NECAB1: variants seen among roughly 807,000 people sequenced by gnomAD.
NECAB1 encodes the protein N-terminal EF-hand calcium binding protein 1.
NECAB1 carries 29 observed loss-of-function variants against 57.5 expected under a neutral mutation model. The observed-to-expected ratio is 0.50, with a 90% CI of 0.38 to 0.69. The LOEUF (loss-of-function observed/expected upper bound fraction) is 0.69. Among genes scored for constraint, NECAB1 ranks in the 30% least tolerant of loss-of-function variants. The pLI is 0.00. For missense variants in NECAB1, 372 were observed against 413.8 expected, an observed-to-expected ratio of 0.90 and a Z score of 0.88; for synonymous variants, 142 against 147.7, an observed-to-expected ratio of 0.96 and a Z score of 0.28.
rs1297140258 is a variant in NECAB1 at position 90,957,914 on chromosome 8, T to C, written c.*2402T>C. ...GGAAACGTAACATGGAATACAAGCT[T>C]GAATCTGGGAAACAAGCTCAAAAAA... On this transcript the variant is annotated 3_prime_UTR_variant, in exon 13 of 13. Transcript: ENST00000417640. 3 of 150,916 alleles carry C rather than the reference T, an allele frequency of 2.0e-5. No homozygotes were observed. The highest frequency in any genetic ancestry group is 2.4e-5 in the African/African-American group (1 of 41,286). The allele number at this position is 150,916 out of a possible 1,614,324, so 9.3% of individuals were successfully genotyped here. A position where few individuals can be genotyped will look rare whatever the true frequency, so the allele number is the denominator to read the frequency against.
At chr8:90,840,950 CAAAAAAA>C (rs34615882) in intron 3 of NECAB1, among the ~76,000 whole-genome samples, 6 of 121,704 alleles carry the variant, frequency 4.9e-5, no homozygotes, top group Admixed American at 2.6e-4. Flanking sequence ...TAAATCTATT[CAAAAAAA>C]AAAAAAAAAA....
chr8:90,826,494 A>T (rs1480718596), intron 3 of NECAB1, among the ~76,000 whole-genome samples: 1 of 151,934 alleles, frequency 6.6e-6, no homozygotes, highest in Non-Finnish European at 1.5e-5. Flanking sequence ...CTTTACTGGG[A>T]TATGATGCTT....
chr8:90,928,498 C>G (rs1243018252), intron 8 of NECAB1, among the ~76,000 whole-genome samples, 199 bp downstream of exon 8: 1 of 152,108 alleles, frequency 6.6e-6, no homozygotes, highest in South Asian at 2.1e-4. Flanking sequence ...TAATTCTCCC[C>G]CTACCTCCCA....
intron 1 of NECAB1, among the ~76,000 whole-genome samples, chr8:90,794,477 G>A (rs1811628306): frequency 6.6e-6 from 1 of 152,074 alleles, no homozygotes. Context: ...GGAAAACTTT[G>A]ATTTGCAGTG....
At chr8:90,805,365 G>C (rs116841338) in intron 2 of NECAB1, among the ~76,000 whole-genome samples, 1 of 147,678 alleles carries the variant, frequency 6.8e-6, no homozygotes, top group South Asian at 2.2e-4. Flanking sequence ...ATAATTGTTC[G>C]CCTGCCCAGA....
At chr8:90,862,899 T>C (rs369159612) in intron 3 of NECAB1, among the ~76,000 whole-genome samples, 1 of 150,624 alleles carries the variant, frequency 6.6e-6, no homozygotes, top group East Asian at 2.0e-4. Flanking sequence ...AGATCCCAAG[T>C]GTTTTGTTCC....
intron 5 of NECAB1, among the ~76,000 whole-genome samples, chr8:90,890,272 C>T (rs1032120604): frequency 2.6e-5 from 4 of 152,104 alleles, no homozygotes; most frequent in Admixed American, 1.3e-4. Context: ...ATGTGTCTCA[C>T]GAGATCTGAT....
intron 5 of NECAB1, 70 bp downstream of exon 5, chr8:90,881,200 AC>A: frequency 9.4e-7 from 1 of 1,067,408 alleles, no homozygotes; most frequent in Non-Finnish European, 1.4e-6. Flanking sequence ...TGAAAATCAT[AC>A]CTATTTTCAA....
intron 3 of NECAB1, among the ~76,000 whole-genome samples, chr8:90,848,126 C>T (rs148827323): frequency 6.6e-6 from 1 of 152,138 alleles, no homozygotes; most frequent in African/African-American, 2.4e-5. Context: ...GAAATTTCTC[C>T]ATCAGATACC....
chr8:90,942,336 A>G (rs1368234950), intron 10 of NECAB1, among the ~76,000 whole-genome samples: 1 of 151,832 alleles, frequency 6.6e-6, no homozygotes, highest in Non-Finnish European at 1.5e-5. Context: ...TGGGTGGCTG[A>G]CCTCCTCTCT....
rs138915339 is a variant in NECAB1, at chr8:90,824,167, T to C, written c.125-550T>C. On this transcript the variant is annotated intron_variant, in intron 2 of 12. Transcript: ENST00000417640. ...TTATGATCTCTTTTATTATATGTTA[T>C]CTCTCTGATTGGGTTTCACCTTTGT... is the stretch of plus-strand genomic sequence containing the variant. Among the ~76,000 whole-genome samples, 39 of 152,006 alleles carry C rather than the reference T, an allele frequency of 2.6e-4. No individual in the cohort carries two copies. In the East Asian group the frequency reaches 6.4e-3, roughly 25 times the overall value.
Position 90,872,769 on chromosome 8 carries a change from C to G in NECAB1, c.259+616C>G, listed in dbSNP as rs567038753. On this transcript the variant is annotated intron_variant, in intron 4 of 12. Transcript: ENST00000417640. The stretch of plus-strand genomic sequence containing the variant: ...AAAAATAGAACATTATGAGACTATT[C>G]CATTTGAAAGAGCTATCTTTCTCTG... Among the ~76,000 whole-genome samples, 193 of 152,050 alleles carry G rather than the reference C, an allele frequency of 1.3e-3. 2 individuals are homozygous for G. Among genetic ancestry groups the G allele is most frequent in the Non-Finnish European group, 1.7e-3 (116 of 67,946 alleles).
chr8:90,875,005 G>T (rs2129856509), intron 4 of NECAB1, among the ~76,000 whole-genome samples: 1 of 151,544 alleles, frequency 6.6e-6, no homozygotes, highest in Admixed American at 6.6e-5. Flanking sequence ...TTTTAATTAG[G>T]CAATTGTGTT....
At chr8:90,940,743 T>C in intron 9 of NECAB1, 43 bp from the exon 10 acceptor site, 1 of 1,469,352 alleles carries the variant, frequency 6.8e-7, no homozygotes, top group Non-Finnish European at 9.3e-7. Flanking sequence ...TAAATCGGGC[T>C]CCGTGACAGC....
intron 2 of NECAB1, among the ~76,000 whole-genome samples, chr8:90,808,819 G>T (rs1035236515): frequency 1.4e-4 from 21 of 151,722 alleles, no homozygotes; most frequent in Admixed American, 3.3e-4. Context: ...CTAATTTTTT[G>T]TATTTTTAGT....
intron 3 of NECAB1, among the ~76,000 whole-genome samples, chr8:90,863,404 T>C (rs1024266019): frequency 1.3e-5 from 2 of 152,146 alleles, no homozygotes; most frequent in Non-Finnish European, 2.9e-5. Context: ...ATTTTTCCTA[T>C]TCTCTAAAGT....
At chr8:90,855,999 C>CG (rs903448746) in intron 3 of NECAB1, among the ~76,000 whole-genome samples, 1 of 151,918 alleles carries the variant, frequency 6.6e-6, no homozygotes, top group African/African-American at 2.4e-5. Context: ...ATAGGGAGTC[C>CG]GGGGGGTAAG....
rs368997798 is a variant in NECAB1, at chr8:90,925,519, A to C, written c.495-16A>C. 65 of 1,610,322 alleles carry C rather than the reference A, an allele frequency of 4.0e-5. No homozygotes were observed. Among genetic ancestry groups the C allele is most frequent in the Non-Finnish European group, 5.3e-5 (63 of 1,178,326 alleles). On this transcript the variant is annotated splice_polypyrimidine_tract_variant and intron_variant, in intron 6 of 12. Transcript: ENST00000417640. Reference sequence around the variant, plus strand: ...AGCACTAACATTAAGGTTAAATGTTATCTCTGTTGATCAAGGCAAGGGCCA... The same window carrying C: ...AGCACTAACATTAAGGTTAAATGTTCTCTCTGTTGATCAAGGCAAGGGCCA...
rs146690472 is a variant in NECAB1, at chr8:90,952,989, G to A, written c.1030+1785G>A. On this transcript the variant is annotated intron_variant, in intron 12 of 12. Transcript: ENST00000417640. ...AGAAGAAATTATTTCCTAAATGAAG[G>A]AATGAATAGGACTTTGGCATCATCA... Among the ~76,000 whole-genome samples the A allele has an allele frequency of 1.9e-3, 292 of 152,196 alleles. 1 individual carries two copies. The highest frequency in any genetic ancestry group is 6.7e-3 in the African/African-American group (280 of 41,520).
Sources: gnomAD v4.1 joint callset for allele counts (sites outside exome capture counted in the v4.1 genomes callset) on GRCh38, gnomAD v4.1.1 for gene constraint, MANE v1.5 for transcripts, NCBI Gene and HGNC (gene_info 2026-07-23, HGNC 2026-07-21) for gene names.